The following ZNF560 variants were observed in gnomAD, a reference collection of about 807,000 sequenced individuals.
ZNF560 encodes zinc finger protein 560.
In ZNF560, 54 loss-of-function variants were observed where a neutral mutation model predicts 81.8. The observed-to-expected ratio is 0.66, with a 90% CI of 0.53 to 0.83. The LOEUF (loss-of-function observed/expected upper bound fraction) is 0.83, where lower values mean the gene tolerates loss of function less well. ZNF560 is among the 40% of genes least tolerant of loss of function. The pLI is 0.00. For synonymous variants in ZNF560, 321 were observed against 317.9 expected (o/e 1.01, Z -0.10); for missense variants, 940 against 932.4 (o/e 1.01, Z -0.11).
chr19:9,477,432 T>C (rs879471409), intron 2 of ZNF560, among the ~76,000 whole-genome samples: 2 of 152,194 alleles, frequency 1.3e-5, no homozygotes, highest in Non-Finnish European at 2.9e-5. Flanking sequence ...TGGGAATTGA[T>C]ACCTGGCTTA....
At chr19:9,501,886 C>G (rs1305581496), upstream of ZNF560, among the ~76,000 whole-genome samples, 1 of 152,012 alleles carries the variant, frequency 6.6e-6, no homozygotes, top group African/African-American at 2.4e-5. Context: ...GGCACAGTGT[C>G]TCATGCCTGT....
chr19:9,488,361 T>C (rs1228988914), intron 2 of ZNF560, among the ~76,000 whole-genome samples: 1 of 152,008 alleles, frequency 6.6e-6, no homozygotes, highest in Non-Finnish European at 1.5e-5. Flanking sequence ...ATAGCAATAA[T>C]AAAGAGACTA....
In ZNF560 at chr19:9,474,187, T is replaced by TG; in HGVS notation, c.157+11dup. The TG allele has an allele frequency of 1.2e-6, 2 of 1,614,104 alleles. No individual in the cohort carries two copies. ...TTCCCTAAGAGGCTGCATAAAATGA[T>TG]GGCAGTCTTACCTACTTTGGCCACG... On this transcript the variant is annotated intron_variant, in intron 4 of 9. Transcript: ENST00000301480.
At chr19:9,471,146 T>G (rs984564759) in intron 6 of ZNF560, 150 bp downstream of exon 6, 1 of 517,926 alleles carries the variant, frequency 1.9e-6, no homozygotes, top group African/African-American at 2.0e-5. Flanking sequence ...TCTCCCCAAA[T>G]TCATCATTAT....
At chr19:9,476,387 G>C (rs1047128389) in intron 2 of ZNF560, among the ~76,000 whole-genome samples, 2 of 152,026 alleles carry the variant, frequency 1.3e-5, no homozygotes, top group Non-Finnish European at 2.9e-5. Flanking sequence ...CTGCCTCCCG[G>C]GTTCAAGCAA....
chr19:9,446,366 A>ACACACACACACT, the ZNF560 span, among the ~76,000 whole-genome samples: 1 of 2,416 alleles, frequency 4.1e-4, no homozygotes, highest in African/African-American at 2.2e-3. Context: ...GCCAAGTCAT[A>ACACACACACACT]CACACACACA....
At chr19:9,449,843 C>T in the ZNF560 span, among the ~76,000 whole-genome samples, 6 of 151,994 alleles carry the variant, frequency 3.9e-5, no homozygotes, top group Non-Finnish European at 8.8e-5. Flanking sequence ...CCAGTCTGTG[C>T]CTGTAATCCC....
At chr19:9,459,225 C>T in the ZNF560 span, among the ~76,000 whole-genome samples, 1 of 152,200 alleles carries the variant, frequency 6.6e-6, no homozygotes, top group African/African-American at 2.4e-5. Context: ...TAGGACTCCA[C>T]ACATGCAACT....
the ZNF560 span, among the ~76,000 whole-genome samples, chr19:9,503,885 A>G: frequency 6.6e-6 from 1 of 152,194 alleles, no homozygotes; most frequent in South Asian, 2.1e-4. Flanking sequence ...AATGGAGTAT[A>G]AAGTGATATT....
chr19:9,449,614 T>A, the ZNF560 span, among the ~76,000 whole-genome samples: 1 of 152,046 alleles, frequency 6.6e-6, no homozygotes, highest in African/African-American at 2.4e-5. Flanking sequence ...AATAGAGCCA[T>A]CTATGACATA....
the ZNF560 span, among the ~76,000 whole-genome samples, chr19:9,451,873 G>A: frequency 3.9e-5 from 6 of 152,050 alleles, no homozygotes; most frequent in East Asian, 1.9e-4. Context: ...TCAGGAGTTC[G>A]AGACCAGCCT....
At position 9,485,822 on chromosome 19, in the gene ZNF560, CA is replaced by C. The variant is rs543419467; in HGVS notation, c.-56-10454del. Among the ~76,000 whole-genome samples the C allele has an allele frequency of 9.8e-5, 15 of 152,302 alleles. No homozygotes were observed. The East Asian group carries it at 2.9e-3, about 30-fold the overall frequency. The stretch of plus-strand genomic sequence containing the variant: ...AAGTACTGGGATTACAGGCATGAGC[CA>C]CCATGCCCAGCCCCAAAAGATTTGT... On this transcript the variant is annotated intron_variant, in intron 2 of 9. Transcript: ENST00000301480.
intron 2 of ZNF560, among the ~76,000 whole-genome samples, chr19:9,486,770 GAAAT>G (rs2073391019): frequency 6.6e-6 from 1 of 150,938 alleles, no homozygotes; most frequent in Non-Finnish European, 1.5e-5. Context: ...AAAAAAAAAA[GAAAT>G]AATAGTTTCT....
the ZNF560 span, among the ~76,000 whole-genome samples, chr19:9,450,913 C>A: frequency 6.6e-6 from 1 of 152,094 alleles, no homozygotes; most frequent in Non-Finnish European, 1.5e-5. Flanking sequence ...AATAAAATAC[C>A]TAGGAATACA....
the ZNF560 span, among the ~76,000 whole-genome samples, chr19:9,450,529 C>G: frequency 2.6e-5 from 4 of 152,066 alleles, no homozygotes; most frequent in South Asian, 8.3e-4. Context: ...GATACAAAAT[C>G]AATGTATAAA....
chr19:9,465,785 G>A (rs2073005326), downstream of ZNF560, among the ~76,000 whole-genome samples: 1 of 152,158 alleles, frequency 6.6e-6, no homozygotes, highest in Admixed American at 6.5e-5. Flanking sequence ...CTGAGGTCAG[G>A]ACTTCAAGAC....
intron 2 of ZNF560, among the ~76,000 whole-genome samples, chr19:9,485,329 A>C (rs2073367656): frequency 6.6e-6 from 1 of 152,120 alleles, no homozygotes; most frequent in African/African-American, 2.4e-5. Context: ...ATTCATAATG[A>C]TCAAGTAGGA....
chr19:9,467,747 T>A lies in ZNF560; in HGVS notation c.1200A>T (p.Gly400=). 6.2e-7 allele frequency: 1 copy of A among 1,614,016 alleles called. No homozygotes were observed. The highest frequency in any genetic ancestry group is 1.1e-5 in the South Asian group (1 of 91,070). The part of the protein sequence containing the change: ...GFLEHVRTHT[G]EKPYGCKECG... Reference sequence around the variant, plus strand: ...ATTCCTTACACCCATAGGGCTTCTCTCCAGTGTGAGTTCGTACATGTTCAA... The same window carrying A: ...ATTCCTTACACCCATAGGGCTTCTCACCAGTGTGAGTTCGTACATGTTCAA... Residue 400 remains glycine (G), a synonymous_variant, in exon 10 of 10, where the codon GGA becomes GGT. Coordinates refer to ENST00000301480, the MANE Select transcript of ZNF560 (RefSeq NM_152476.3).
intron 2 of ZNF560, among the ~76,000 whole-genome samples, chr19:9,482,106 G>T (rs2073298854): frequency 6.6e-6 from 1 of 152,144 alleles, no homozygotes; most frequent in African/African-American, 2.4e-5. Context: ...AAAAAAGGAT[G>T]AGTTCATGTC....
Sources: allele counts gnomAD v4.1 joint callset (sites outside exome capture counted in the v4.1 genomes callset), GRCh38; gene constraint gnomAD v4.1.1; transcripts MANE v1.5; gene names NCBI Gene and HGNC (gene_info 2026-07-23, HGNC 2026-07-21).